Variants in FLI1 observed in about 807,000 individuals in gnomAD.
FLI1 encodes the protein Fli-1 proto-oncogene, ETS transcription factor.
Under a neutral mutation model 53.1 loss-of-function variants are expected in FLI1, and 13 were observed. The ratio of observed to expected loss-of-function variants is 0.24; its 90% CI spans 0.16 to 0.39. FLI1 has a LOEUF of 0.39. Among genes scored for constraint, FLI1 ranks in the 10% least tolerant of loss-of-function variants. The pLI is 1.00. For synonymous variants in FLI1, 244 were observed against 236.7 expected (o/e 1.03, Z -0.28); for missense variants, 424 against 600.5 (o/e 0.71, Z 3.07).
Position 128,779,565 on chromosome 11 carries a change from A to G in FLI1, c.590-2393A>G, listed in dbSNP as rs532590059. 6.6e-5 allele frequency among the ~76,000 whole-genome samples: 10 copies of G among 152,366 alleles called. No homozygotes were observed. The South Asian group carries it at 1.5e-3, about 22-fold the overall frequency. On this transcript the variant is annotated intron_variant, in intron 4 of 8. Coordinates refer to ENST00000527786, the MANE Select transcript of FLI1 (RefSeq NM_002017.5). ...TGTAAAAATAGTAACGATCATAGCT[A>G]GCATTTATGGAACACTTATGAGCCA...
intron 3 of FLI1, among the ~76,000 whole-genome samples, chr11:128,771,857 G>A (rs535003177): frequency 5.1e-4 from 78 of 152,272 alleles, no homozygotes; most frequent in Non-Finnish European, 8.2e-4. Context: ...GAAGGCAAGC[G>A]TCATGTAATT....
intron 7 of FLI1, among the ~76,000 whole-genome samples, chr11:128,807,795 G>T (rs893913412): frequency 6.6e-6 from 1 of 152,124 alleles, no homozygotes; most frequent in Non-Finnish European, 1.5e-5. Flanking sequence ...TGACTTTCTA[G>T]CTGGGCTCAG....
chr11:128,764,753 C>T (rs1941264351), intron 2 of FLI1: 2 of 1,586,646 alleles, frequency 1.3e-6, no homozygotes, highest in Non-Finnish European at 1.7e-6. Flanking sequence ...AGGGCTTGCG[C>T]TGGCTGGAGG....
At chr11:128,703,425 A>G (rs993161228) in intron 1 of FLI1, among the ~76,000 whole-genome samples, 1 of 152,246 alleles carries the variant, frequency 6.6e-6, no homozygotes, top group Non-Finnish European at 1.5e-5. Context: ...GACTAGATAA[A>G]CAAAGGAGGA....
chr11:128,791,857 G>A (rs1426829041), intron 5 of FLI1, among the ~76,000 whole-genome samples: 3 of 152,176 alleles, frequency 2.0e-5, no homozygotes, highest in African/African-American at 7.2e-5. Flanking sequence ...ACCACCGCAG[G>A]ATCCTGCTGC....
At chr11:128,765,312 C>T (rs922525126) in intron 2 of FLI1, among the ~76,000 whole-genome samples, 1 of 152,208 alleles carries the variant, frequency 6.6e-6, no homozygotes, top group Non-Finnish European at 1.5e-5. Context: ...CCAGCCCTGC[C>T]ACCTGTGCCT....
At chr11:128,740,034 T>C (rs1221836239) in intron 1 of FLI1, among the ~76,000 whole-genome samples, 1 of 152,162 alleles carries the variant, frequency 6.6e-6, no homozygotes, top group Non-Finnish European at 1.5e-5. Flanking sequence ...CGTGCCCTAA[T>C]ATTGGTAGGG....
chr11:128,760,791 G>T (rs145640062), intron 2 of FLI1, among the ~76,000 whole-genome samples: 17,809 of 152,020 alleles, frequency 0.12, 1,272 homozygotes, highest in African/African-American at 0.19. Context: ...CTCCCAAAGT[G>T]CTGGGATTAC....
At chr11:128,690,305 A>G (rs3016775), upstream of FLI1, among the ~76,000 whole-genome samples, 52,947 of 151,562 alleles carry the variant, frequency 0.35, 9,565 homozygotes, top group African/African-American at 0.43. Flanking sequence ...CCAGAGGGGC[A>G]TGGGAGGGGA....
chr11:128,750,698 C>T (rs1940607316), intron 1 of FLI1, among the ~76,000 whole-genome samples: 1 of 152,176 alleles, frequency 6.6e-6, no homozygotes, highest in Non-Finnish European at 1.5e-5. Context: ...TGCGGCCATG[C>T]TCTGATCACA....
Position 128,812,264 on chromosome 11 carries a change from C to G in FLI1, c.*1276C>G. The G allele has an allele frequency of 4.6e-6, 1 of 219,466 alleles. No homozygotes were observed. The highest frequency in any genetic ancestry group is 6.7e-5 in the East Asian group (1 of 14,824). 13.6% of individuals were successfully genotyped at this position (219,466 alleles called of 1,614,324 possible). On this transcript the variant is annotated 3_prime_UTR_variant, in exon 9 of 9. Transcript: ENST00000527786. ...CTTGTGGAGAGGAGGGATTTTCCTGCTCTATATAAGCAACATATTTTTAGA... is the reference window on the plus strand; with the variant it reads ...CTTGTGGAGAGGAGGGATTTTCCTGGTCTATATAAGCAACATATTTTTAGA...
At chr11:128,772,315 G>T (rs1025323252) in intron 3 of FLI1, among the ~76,000 whole-genome samples, 2 of 152,114 alleles carry the variant, frequency 1.3e-5, no homozygotes, top group Non-Finnish European at 2.9e-5. Flanking sequence ...AACACCGCTG[G>T]GTTTTTCAAC....
At chr11:128,806,173 C>T (rs905031470) in intron 6 of FLI1, 1 of 151,994 alleles carries the variant, frequency 6.6e-6, no homozygotes, top group Non-Finnish European at 1.5e-5. Flanking sequence ...AACCAAGACC[C>T]CTTCCAATTA....
rs143471662 is a variant in FLI1, at chr11:128,761,715, C to A, written c.230+3389C>A. The stretch of plus-strand genomic sequence containing the variant: ...TACTGATCCTGTGCAAAGAGGGTCC[C>A]CCAAGGAAATTGATTTTTCAGAACC... On this transcript the variant is annotated intron_variant, in intron 2 of 8. Coordinates refer to ENST00000527786, the MANE Select transcript of FLI1 (RefSeq NM_002017.5). 1.2e-3 allele frequency among the ~76,000 whole-genome samples: 180 copies of A among 152,224 alleles called. 1 individual carries two copies. The highest frequency in any genetic ancestry group is 4.2e-3 in the African/African-American group (174 of 41,524).
upstream of FLI1, chr11:128,692,975 T>G (rs1457119688): frequency 6.6e-6 from 1 of 152,394 alleles, no homozygotes; most frequent in Admixed American, 6.5e-5. Context: ...AGCGCGGGCC[T>G]CCGGGTCTCA....
At chr11:128,807,306 T>G (rs1276368703) in intron 7 of FLI1, 67 bp downstream of exon 7, 6 of 1,120,354 alleles carry the variant, frequency 5.4e-6, no homozygotes, top group African/African-American at 1.6e-5. Context: ...CATGGTCAAC[T>G]GATGGAGGGT....
intron 5 of FLI1, among the ~76,000 whole-genome samples, chr11:128,798,407 G>C (rs151166843): frequency 1.3e-5 from 2 of 152,192 alleles, no homozygotes; most frequent in Non-Finnish European, 2.9e-5. Context: ...GGAGCCTCAC[G>C]TGGCCATGGC....
intron 1 of FLI1, among the ~76,000 whole-genome samples, chr11:128,750,475 T>C (rs910511915): frequency 7.2e-5 from 11 of 152,192 alleles, no homozygotes; most frequent in Non-Finnish European, 1.3e-4. Context: ...CTCCTCTAAC[T>C]CCACTGGACT....
intron 5 of FLI1, among the ~76,000 whole-genome samples, chr11:128,796,649 T>C (rs183036233): frequency 6.6e-6 from 1 of 152,316 alleles, no homozygotes; most frequent in Non-Finnish European, 1.5e-5. Flanking sequence ...GGGACGGAAG[T>C]GTTTCCTGCT....
Sources: gnomAD v4.1 joint callset for allele counts (sites outside exome capture counted in the v4.1 genomes callset) on GRCh38, gnomAD v4.1.1 for gene constraint, MANE v1.5 for transcripts, NCBI Gene and HGNC (gene_info 2026-07-23, HGNC 2026-07-21) for gene names.